Variants in TENM3 observed in about 807,000 individuals in gnomAD.
TENM3 encodes teneurin transmembrane protein 3, also known as teneurin-3.
TENM3 carries 63 observed loss-of-function variants against 255.1 expected under a neutral mutation model. That is an observed-to-expected ratio of 0.25 (90% CI 0.20 to 0.30). The LOEUF (loss-of-function observed/expected upper bound fraction) is 0.30. TENM3 is among the 10% of genes least tolerant of loss of function. The probability of loss-of-function intolerance (pLI) is 1.00; values close to 1 mark genes in which losing one functional copy is unlikely to be tolerated. For synonymous variants in TENM3, 1,306 were observed against 1,322.3 expected (o/e 0.99, Z 0.27); for missense variants, 2,929 against 3,461.1 (o/e 0.85, Z 3.86).
At chr4:182,358,161 A>T (rs1765697253) in intron 3 of TENM3, among the ~76,000 whole-genome samples, 1 of 151,068 alleles carries the variant, frequency 6.6e-6, no homozygotes. Context: ...TGATGCCTCC[A>T]GCTTTGTTCT....
intron 3 of TENM3, among the ~76,000 whole-genome samples, chr4:182,438,852 G>A (rs180730598): frequency 6.6e-6 from 1 of 152,122 alleles, no homozygotes; most frequent in African/African-American, 2.4e-5. Context: ...TGATCACATT[G>A]TACAAAGCTT....
chr4:182,404,569 C>T (rs923791880), intron 3 of TENM3, among the ~76,000 whole-genome samples: 3 of 152,150 alleles, frequency 2.0e-5, no homozygotes, highest in African/African-American at 4.8e-5. Flanking sequence ...ACAGTATTTC[C>T]GCTTTCTCAT....
chr4:182,146,426 C>T (rs1399643543), intron 1 of TENM3, among the ~76,000 whole-genome samples: 1 of 152,034 alleles, frequency 6.6e-6, no homozygotes, highest in Non-Finnish European at 1.5e-5. Flanking sequence ...CAAATTATTC[C>T]TAAATTCTTC....
intron 1 of TENM3, among the ~76,000 whole-genome samples, chr4:182,297,766 GA>G (rs1761588023): frequency 6.6e-6 from 1 of 152,222 alleles, no homozygotes. Flanking sequence ...GTGGAGTATA[GA>G]ACAGGCTACC....
intron 12 of TENM3, among the ~76,000 whole-genome samples, chr4:182,705,116 T>G (rs777469112): frequency 6.6e-6 from 1 of 152,232 alleles, no homozygotes; most frequent in Non-Finnish European, 1.5e-5. Context: ...GTGTGCACCT[T>G]GCACGCTGAT....
chr4:181,632,549 G>T, the TENM3 span, among the ~76,000 whole-genome samples: 1 of 152,312 alleles, frequency 6.6e-6, no homozygotes, highest in South Asian at 2.1e-4. Flanking sequence ...ATGGGAAAAT[G>T]AGAGGAGATC....
At chr4:182,087,840 A>T in the TENM3 span, among the ~76,000 whole-genome samples, 1 of 152,132 alleles carries the variant, frequency 6.6e-6, no homozygotes, top group Non-Finnish European at 1.5e-5. Context: ...CACTTCTTAC[A>T]CTTAGAATGT....
intron 3 of TENM3, among the ~76,000 whole-genome samples, chr4:182,391,815 T>C (rs966414431): frequency 1.3e-5 from 2 of 152,150 alleles, no homozygotes; most frequent in African/African-American, 2.4e-5. Flanking sequence ...AGTGATTTGC[T>C]CTATGTTTCT....
intron 4 of TENM3, among the ~76,000 whole-genome samples, chr4:182,615,140 T>A (rs762964054): frequency 2.6e-5 from 4 of 150,996 alleles, no homozygotes; most frequent in African/African-American, 4.8e-5. Flanking sequence ...TGTGTGTGTG[T>A]GTGCTTACAC....
At chr4:182,044,154 A>G in the TENM3 span, among the ~76,000 whole-genome samples, 1 of 152,226 alleles carries the variant, frequency 6.6e-6, no homozygotes, top group Non-Finnish European at 1.5e-5. Flanking sequence ...ATGAGGAAAC[A>G]AAAGTTACCA....
chr4:182,079,377 G>A, the TENM3 span, among the ~76,000 whole-genome samples: 10 of 152,040 alleles, frequency 6.6e-5, no homozygotes, highest in Admixed American at 2.6e-4. Flanking sequence ...TTAGCCGGGC[G>A]CAGTGGCGGG....
the TENM3 span, among the ~76,000 whole-genome samples, chr4:181,805,846 T>C: frequency 6.6e-6 from 1 of 152,186 alleles, no homozygotes; most frequent in Admixed American, 6.5e-5. Context: ...ACACGTATAT[T>C]GACATAAACT....
chr4:182,201,264 A>T (rs1159393616), intron 1 of TENM3, among the ~76,000 whole-genome samples: 1 of 152,194 alleles, frequency 6.6e-6, no homozygotes, highest in Non-Finnish European at 1.5e-5. Flanking sequence ...ATCTGTATTC[A>T]TTTTAATGTT....
chr4:181,805,382 A>G, the TENM3 span, among the ~76,000 whole-genome samples: 154 of 151,962 alleles, frequency 1.0e-3, 2 homozygotes, highest in Non-Finnish European at 1.0e-3. Flanking sequence ...CCCTTGCCTC[A>G]GGCTTCACTC....
the TENM3 span, among the ~76,000 whole-genome samples, chr4:181,847,415 G>A: frequency 6.6e-6 from 1 of 151,986 alleles, no homozygotes; most frequent in Admixed American, 6.6e-5. Context: ...ATTTGCATTG[G>A]TTCCCTTTCA....
the TENM3 span, among the ~76,000 whole-genome samples, chr4:182,057,209 G>T: frequency 6.6e-6 from 1 of 151,536 alleles, no homozygotes; most frequent in South Asian, 2.1e-4. Flanking sequence ...CTGGATCCTG[G>T]AGGAGAATAA....
At chr4:181,725,373 A>G in the TENM3 span, among the ~76,000 whole-genome samples, 1 of 150,562 alleles carries the variant, frequency 6.6e-6, no homozygotes, top group African/African-American at 2.4e-5. Flanking sequence ...TTGTTACACC[A>G]TTTAAAACTG....
At chr4:182,096,492 G>T in the TENM3 span, among the ~76,000 whole-genome samples, 2 of 152,224 alleles carry the variant, frequency 1.3e-5, no homozygotes, top group African/African-American at 2.4e-5. Flanking sequence ...AAAAAGAAAT[G>T]ATAGAATTAA....
chr4:182,783,110 G>A (rs1765317123), intron 24 of TENM3, among the ~76,000 whole-genome samples: 1 of 151,560 alleles, frequency 6.6e-6, no homozygotes, highest in Non-Finnish European at 1.5e-5. Context: ...GATGTTAGCT[G>A]GTTATTTTGC....
Sources: gnomAD v4.1 joint callset for allele counts (sites outside exome capture counted in the v4.1 genomes callset) on GRCh38, gnomAD v4.1.1 for gene constraint, MANE v1.5 for transcripts, NCBI Gene and HGNC (gene_info 2026-07-23, HGNC 2026-07-21) for gene names.